Variants in AP1M2 observed in about 807,000 individuals in gnomAD.
AP1M2 encodes the protein adaptor related protein complex 1 subunit mu 2, also known as AP-1 complex subunit mu-2.
AP1M2 carries 41 observed loss-of-function variants against 54.6 expected under a neutral mutation model. That is an observed-to-expected ratio of 0.75 (90% CI 0.59 to 0.97). The LOEUF (loss-of-function observed/expected upper bound fraction) is 0.97. Ranked by LOEUF, AP1M2 falls within the 50% of genes least tolerant of loss-of-function variation. The pLI is 0.00. For synonymous variants in AP1M2, 219 were observed against 215.9 expected, an observed-to-expected ratio of 1.01 and a Z score of -0.13; for missense variants, 507 against 561.2, an observed-to-expected ratio of 0.90 and a Z score of 0.98.
rs1013005526 is a variant in AP1M2 at position 10,581,559 on chromosome 19, G to C, written c.474C>G (p.Ser158=). 2.7e-5 allele frequency: 43 copies of C among 1,613,856 alleles called. No individual in the cohort carries two copies. Among genetic ancestry groups the C allele is most frequent in the Non-Finnish European group, 3.6e-5 (43 of 1,179,846 alleles). The change falls in exon 5 of 12, where the codon TCC becomes TCG. Residue 158 remains serine, a synonymous_variant. Coordinates refer to ENST00000250244, the MANE Select transcript of AP1M2 (RefSeq NM_005498.5). ...RVPPTVTNAV[S]WRSEGIKYKK... The stretch of plus-strand genomic sequence containing the variant: ...TATACTTGATACCCTCGGAGCGCCA[G>C]GACACAGCGTTGGTGACAGTGGGTG...
At chr19:10,580,044 G>GTTTT (rs59349358) in intron 6 of AP1M2, among the ~76,000 whole-genome samples, 186 bp from the exon 7 acceptor site, 10 of 71,184 alleles carry the variant, frequency 1.4e-4, no homozygotes, top group East Asian at 1.1e-3. Context: ...ATCTGGCTTG[G>GTTTT]TTTTTTTTTT....
At position 10,581,179 on chromosome 19, in the gene AP1M2, G is replaced by A. The variant is rs185685060; in HGVS notation, c.673+87C>T. ...GGTGAGCGAGCGCTTATTTCAAAACGGGCTGCGATTCTCTTAAGTCCCCAC... is the reference window on the plus strand; with the variant it reads ...GGTGAGCGAGCGCTTATTTCAAAACAGGCTGCGATTCTCTTAAGTCCCCAC... On this transcript the variant is annotated intron_variant, in intron 6 of 11. Coordinates refer to ENST00000250244, the MANE Select transcript of AP1M2 (RefSeq NM_005498.5). 91 of 1,504,574 alleles carry A rather than the reference G, an allele frequency of 6.0e-5. No individual in the cohort carries two copies. In the East Asian group the frequency reaches 1.4e-3, roughly 23 times the overall value. 93.2% of individuals were successfully genotyped at this position (1,504,574 alleles called of 1,614,324 possible).
intron 1 of AP1M2, among the ~76,000 whole-genome samples, chr19:10,585,338 AGAAAGAAAG>A (rs1917621068): frequency 1.3e-5 from 2 of 150,174 alleles, no homozygotes; most frequent in South Asian, 4.2e-4. Context: ...AAAGAAAGAA[AGAAAGAAAG>A]AAAGAAAGAT....
At chr19:10,579,440 A>G (rs572552765) in intron 7 of AP1M2, among the ~76,000 whole-genome samples, 2 of 151,938 alleles carry the variant, frequency 1.3e-5, no homozygotes, top group African/African-American at 4.8e-5. Flanking sequence ...AATAAAAATT[A>G]AAAAAAACAA....
chr19:10,583,486 AG>A, intron 3 of AP1M2, 119 bp downstream of exon 3: 2 of 719,680 alleles, frequency 2.8e-6, no homozygotes, highest in Non-Finnish European at 4.5e-6. Flanking sequence ...AAAAAAAAAA[AG>A]GGAAGACCCA....
chr19:10,581,754 A>T lies in AP1M2; in HGVS notation c.392T>A (p.Leu131Gln). The T allele has an allele frequency of 6.2e-7, 1 of 1,613,418 alleles. No homozygotes were observed. Among genetic ancestry groups the T allele is most frequent in the Non-Finnish European group, 8.5e-7 (1 of 1,179,814 alleles). Reference protein sequence around the residue: ...GFPQTTDSKILQEYITQQSNK... With the variant: ...GFPQTTDSKIQQEYITQQSNK... ...CCTCCAGGGGTCCACTCACTCCTGCAGGATCTTGCTGTCGGTGGTCTGCGG... is the reference window on the plus strand; with the variant it reads ...CCTCCAGGGGTCCACTCACTCCTGCTGGATCTTGCTGTCGGTGGTCTGCGG... The change falls in exon 4 of 12, where the codon CTG becomes CAG. Residue 131 changes from leucine (L) to glutamine (Q), a missense_variant. Transcript: ENST00000250244.
In AP1M2 at chr19:10,581,773, T is replaced by C; in HGVS notation, c.373A>G (p.Thr125Ala). 6.2e-7 allele frequency: 1 copy of C among 1,613,822 alleles called. No homozygotes were observed. The highest frequency in any genetic ancestry group is 8.5e-7 in the Non-Finnish European group (1 of 1,179,946). ...TCCTGCAGGATCTTGCTGTCGGTGGTCTGCGGGAAGCCAAAGTCCATGAGC... is the reference window on the plus strand; with the variant it reads ...TCCTGCAGGATCTTGCTGTCGGTGGCCTGCGGGAAGCCAAAGTCCATGAGC... ...DELMDFGFPQ[T>A]TDSKILQEYI... The change falls in exon 4 of 12, where the codon ACC (threonine) becomes GCC (alanine). Residue 125 changes from threonine to alanine, a missense_variant. Coordinates refer to ENST00000250244, the MANE Select transcript of AP1M2 (RefSeq NM_005498.5).
At chr19:10,578,834 G>C in intron 8 of AP1M2, 58 bp downstream of exon 8, 1 of 1,429,280 alleles carries the variant, frequency 7.0e-7, no homozygotes, top group Admixed American at 1.9e-5. Context: ...TTACAGGTGT[G>C]AGCCACCGCA....
chr19:10,579,233 G>A (rs1376051754), intron 7 of AP1M2, among the ~76,000 whole-genome samples: 4 of 151,576 alleles, frequency 2.6e-5, no homozygotes, highest in Admixed American at 6.6e-5. Flanking sequence ...TGGCTAACAC[G>A]GCGAAACCCC....
At chr19:10,581,223 T>A in intron 6 of AP1M2, 43 bp downstream of exon 6, 2 of 1,562,522 alleles carry the variant, frequency 1.3e-6, no homozygotes, top group Non-Finnish European at 1.7e-6. Context: ...GGTTTGCGAC[T>A]CCCCTGTGCA....
In AP1M2 at chr19:10,577,311, T is replaced by C. The variant is rs1490740943; in HGVS notation, c.934A>G (p.Ile312Val). Residue 312 changes from isoleucine (I) to valine (V), a missense_variant, in exon 9 of 12, where the codon ATA becomes GTA. Transcript: ENST00000250244. ...GCATCGCTGGGTACAGGCACAGATA[T>C]CTCCACACCGTTGGCCACTGACTGT... ...KKQSVANGVE[I>V]SVPVPSDADS... 2 of 1,611,122 alleles carry C rather than the reference T, an allele frequency of 1.2e-6. No individual in the cohort carries two copies. Among genetic ancestry groups the C allele is most frequent in the Admixed American group, 1.7e-5 (1 of 59,630 alleles).
intron 6 of AP1M2, 96 bp downstream of exon 6, chr19:10,581,170 T>TCA: frequency 3.3e-5 from 49 of 1,496,518 alleles, no homozygotes; most frequent in Middle Eastern, 2.5e-4. Flanking sequence ...CGAGCGCTTA[T>TCA]TTCAAAACGG....
In AP1M2 at chr19:10,573,006, A is replaced by C. The variant is rs1025994289; in HGVS notation, c.*60T>G. On this transcript the variant is annotated 3_prime_UTR_variant, in exon 12 of 12. Transcript: ENST00000250244. Reference sequence around the variant, plus strand: ...CACAGCCCGCACCTGCCCTCCCTCTAAAATCTGCATCCGGGGCTGTAAGGA... The same window carrying C: ...CACAGCCCGCACCTGCCCTCCCTCTCAAATCTGCATCCGGGGCTGTAAGGA... 16 of 1,531,742 alleles carry C rather than the reference A, an allele frequency of 1.0e-5. No individual in the cohort carries two copies. The highest frequency in any genetic ancestry group is 7.8e-5 in the Admixed American group (4 of 51,086). 94.9% of individuals were successfully genotyped at this position (1,531,742 alleles called of 1,614,324 possible).
In AP1M2 at chr19:10,577,329, C is replaced by A; in HGVS notation, c.916G>T (p.Val306Leu). Residue 306 changes from valine (V) to leucine (L), a missense_variant, in exon 9 of 12, where the codon GTG becomes TTG. Transcript: ENST00000250244. ...ACAGATATCTCCACACCGTTGGCCA[C>A]TGACTGTTTCTTAAACTGCCCCTTG... ...KAKGQFKKQS[V>L]ANGVEISVPV... 6.2e-7 allele frequency: 1 copy of A among 1,608,436 alleles called. No individual in the cohort carries two copies. The highest frequency in any genetic ancestry group is 1.1e-5 in the South Asian group (1 of 90,046).
At position 10,583,915 on chromosome 19, in the gene AP1M2, G is replaced by A; in HGVS notation, c.198C>T (p.Tyr66=). ...AGGGACACCACGTGGGGTGGATACA[G>A]TAGAGGTTGCTGTGTTTGATCCATA... ...HFLWIKHSNL[Y]LVATTSKNAN... The change falls in exon 2 of 12, where the codon TAC becomes TAT. Residue 66 remains tyrosine, a splice_region_variant and synonymous_variant. Coordinates refer to ENST00000250244, the MANE Select transcript of AP1M2 (RefSeq NM_005498.5). The A allele has an allele frequency of 6.3e-7, 1 of 1,596,368 alleles. No individual in the cohort carries two copies. Among genetic ancestry groups the A allele is most frequent in the South Asian group, 1.1e-5 (1 of 88,410 alleles).
intron 5 of AP1M2, 40 bp from the exon 6 acceptor site, chr19:10,581,432 T>G: frequency 6.2e-7 from 1 of 1,610,206 alleles, no homozygotes; most frequent in Non-Finnish European, 8.5e-7. Flanking sequence ...GGCATCAAAC[T>G]CCGTCTCCTG....
intron 1 of AP1M2, among the ~76,000 whole-genome samples, chr19:10,586,864 G>A (rs952629864): frequency 2.6e-5 from 4 of 152,180 alleles, no homozygotes; most frequent in African/African-American, 9.7e-5. Context: ...CGACAGTGAT[G>A]GAGATAATTT....
intron 9 of AP1M2, 35 bp from the exon 10 acceptor site, chr19:10,575,064 TC>T (rs1568429364): frequency 9.7e-6 from 14 of 1,442,982 alleles, no homozygotes; most frequent in Non-Finnish European, 1.2e-5. Context: ...TACACGAGGG[TC>T]CGCCTACCCT....
rs1917679966 is a variant in AP1M2 at position 10,587,243 on chromosome 19, A to G, written c.-12T>C. 1.3e-6 allele frequency: 2 copies of G among 1,563,054 alleles called. No individual in the cohort carries two copies. The highest frequency in any genetic ancestry group is 1.7e-6 in the Non-Finnish European group (2 of 1,153,996). ...GCCGAGGCGGACATGGTGGCGGCCGAAGGACTTAGGAGTCGGGGAGGGAGC... is the reference window on the plus strand; with the variant it reads ...GCCGAGGCGGACATGGTGGCGGCCGGAGGACTTAGGAGTCGGGGAGGGAGC... On this transcript the variant is annotated 5_prime_UTR_variant, in exon 1 of 12. Transcript: ENST00000250244.
Sources: allele counts gnomAD v4.1 joint callset (sites outside exome capture counted in the v4.1 genomes callset), GRCh38; gene constraint gnomAD v4.1.1; transcripts MANE v1.5; gene names NCBI Gene and HGNC (gene_info 2026-07-23, HGNC 2026-07-21).